The following RFC3 variants were observed in gnomAD, a reference collection of about 807,000 sequenced individuals.
The protein encoded by RFC3 is A1 38 kDa subunit.
A neutral mutation model predicts 45.1 loss-of-function variants in RFC3; 41 were observed. The observed-to-expected ratio is 0.91, with a 90% CI of 0.71 to 1.18. The LOEUF (loss-of-function observed/expected upper bound fraction) is 1.18, where lower values mean the gene tolerates loss of function less well. Among genes scored for constraint, RFC3 ranks in the 50% most tolerant of loss-of-function variants. The probability of loss-of-function intolerance (pLI) is 0.00; values close to 1 mark genes in which losing one functional copy is unlikely to be tolerated. For synonymous variants in RFC3, 149 were observed against 144.0 expected, an observed-to-expected ratio of 1.03 and a Z score of -0.25; for missense variants, 423 against 428.1, an observed-to-expected ratio of 0.99 and a Z score of 0.10.
intron 8 of RFC3, among the ~76,000 whole-genome samples, chr13:33,955,845 T>C (rs2083018761): frequency 6.6e-6 from 1 of 152,210 alleles, no homozygotes; most frequent in African/African-American, 2.4e-5. Flanking sequence ...GAGGCGCATG[T>C]GCAGGCCACG....
At chr13:33,953,763 C>T (rs2083004506) in intron 8 of RFC3, among the ~76,000 whole-genome samples, 2 of 152,106 alleles carry the variant, frequency 1.3e-5, no homozygotes, top group South Asian at 4.1e-4. Flanking sequence ...ATTTTTCATA[C>T]TTCTCTTTAG....
chr13:33,841,496 A>T (rs532501785), downstream of RFC3, among the ~76,000 whole-genome samples: 1 of 152,344 alleles, frequency 6.6e-6, no homozygotes, highest in African/African-American at 2.4e-5. Context: ...ACAGTACTGT[A>T]GGTGTAATTT....
intron 8 of RFC3, among the ~76,000 whole-genome samples, chr13:33,852,446 T>TA (rs1266610614): frequency 6.6e-6 from 1 of 152,204 alleles, no homozygotes; most frequent in Non-Finnish European, 1.5e-5. Context: ...TAACAGGTTA[T>TA]ATTTTGGCTT....
intron 8 of RFC3, among the ~76,000 whole-genome samples, chr13:33,930,685 TCTC>T (rs1457088187): frequency 6.6e-6 from 1 of 152,118 alleles, no homozygotes; most frequent in Non-Finnish European, 1.5e-5. Flanking sequence ...GCTCTTTTAA[TCTC>T]CTCTTCTGTG....
At chr13:33,828,141 CTG>C (rs2082068030) in intron 4 of RFC3, among the ~76,000 whole-genome samples, 1 of 152,104 alleles carries the variant, frequency 6.6e-6, no homozygotes, top group Non-Finnish European at 1.5e-5. Context: ...GAGTGAGACC[CTG>C]TCTCTAAAAA....
chr13:33,821,816 A>G (rs1029651628), intron 2 of RFC3, among the ~76,000 whole-genome samples: 1 of 152,230 alleles, frequency 6.6e-6, no homozygotes, highest in African/African-American at 2.4e-5. Flanking sequence ...GATCTAGCTG[A>G]AATGTATCCT....
intron 8 of RFC3, among the ~76,000 whole-genome samples, chr13:33,872,237 T>C (rs2082414693): frequency 1.3e-5 from 2 of 152,124 alleles, no homozygotes; most frequent in African/African-American, 4.8e-5. Flanking sequence ...CCAAAGGCAC[T>C]GGAGGGGAGA....
intron 8 of RFC3, among the ~76,000 whole-genome samples, chr13:33,896,850 A>G (rs1342683129): frequency 6.6e-6 from 1 of 151,818 alleles, no homozygotes; most frequent in Non-Finnish European, 1.5e-5. Flanking sequence ...TAAAGTGCTG[A>G]ATGAAAAAAA....
chr13:33,893,961 G>GA (rs535635526), intron 8 of RFC3, among the ~76,000 whole-genome samples: 3 of 152,090 alleles, frequency 2.0e-5, no homozygotes, highest in Non-Finnish European at 2.9e-5. Context: ...TTATTGAAAG[G>GA]AAAAAAACAA....
chr13:33,829,621 T>G, intron 4 of RFC3: 1 of 557,384 alleles, frequency 1.8e-6, no homozygotes, highest in Admixed American at 3.3e-5. Context: ...GGCAAAATAT[T>G]TATATGATCT....
At chr13:33,863,580 C>T (rs2082355085) in intron 8 of RFC3, among the ~76,000 whole-genome samples, 1 of 152,172 alleles carries the variant, frequency 6.6e-6, no homozygotes, top group African/African-American at 2.4e-5. Context: ...CTGTGTTTTC[C>T]TGGTTCCAAC....
At chr13:33,874,534 G>A (rs1391711425) in intron 8 of RFC3, among the ~76,000 whole-genome samples, 5 of 152,212 alleles carry the variant, frequency 3.3e-5, no homozygotes, top group African/African-American at 4.8e-5. Flanking sequence ...GGCCAAGCTG[G>A]TCTCAAACTT....
intron 8 of RFC3, among the ~76,000 whole-genome samples, chr13:33,862,669 A>G (rs973011168): frequency 6.6e-5 from 10 of 152,180 alleles, no homozygotes; most frequent in African/African-American, 1.4e-4. Context: ...TTGACATTCT[A>G]TATTTTGATA....
chr13:33,873,247 G>A (rs372660561), intron 8 of RFC3, among the ~76,000 whole-genome samples: 1 of 152,142 alleles, frequency 6.6e-6, no homozygotes, highest in Non-Finnish European at 1.5e-5. Context: ...ACAAATGTTC[G>A]AGCAACCCTC....
intron 8 of RFC3, among the ~76,000 whole-genome samples, chr13:33,927,181 C>A (rs1011635665): frequency 6.6e-6 from 1 of 151,426 alleles, no homozygotes; most frequent in South Asian, 2.1e-4. Context: ...AAGAGGGCAC[C>A]TGATGTTCAC....
chr13:33,874,120 A>G (rs972084196), intron 8 of RFC3, among the ~76,000 whole-genome samples: 10 of 152,226 alleles, frequency 6.6e-5, no homozygotes, highest in African/African-American at 9.7e-5. Flanking sequence ...TGGACCACAC[A>G]TAAAGAGAGA....
chr13:33,925,255 C>T (rs1310969190), intron 8 of RFC3, among the ~76,000 whole-genome samples: 5 of 41,296 alleles, frequency 1.2e-4, no homozygotes, highest in African/African-American at 5.5e-4. Flanking sequence ...TATACATACA[C>T]ATATAGTGTA....
At chr13:33,947,175 A>G (rs148663204) in intron 8 of RFC3, among the ~76,000 whole-genome samples, 3 of 152,276 alleles carry the variant, frequency 2.0e-5, no homozygotes, top group African/African-American at 7.2e-5. Flanking sequence ...CCAAATGTCA[A>G]TGTGTCAAGG....
rs142457547 is a variant in RFC3 at position 33,963,481 on chromosome 13, C to T, written c.880-2606C>T. Among the ~76,000 whole-genome samples, 155 of 152,304 alleles carry T rather than the reference C, an allele frequency of 1.0e-3. 1 individual carries two copies. The highest frequency in any genetic ancestry group is 3.6e-3 in the African/African-American group (150 of 41,570). ...AAGATACTGTAGTTGCTGAGAATCA[C>T]GCTCTGCAGTGAGGACACCAAATTA... On this transcript the variant is annotated intron_variant, in intron 8 of 8. Transcript: ENST00000434425.
Sources: gnomAD v4.1 joint callset for allele counts (sites outside exome capture counted in the v4.1 genomes callset) on GRCh38, gnomAD v4.1.1 for gene constraint, MANE v1.5 for transcripts, NCBI Gene and HGNC (gene_info 2026-07-23, HGNC 2026-07-21) for gene names.